The following ZFHX3 variants were observed in gnomAD, a reference collection of about 807,000 sequenced individuals.
ZFHX3 encodes zinc finger homeobox protein 3.
Under a neutral mutation model 279.1 loss-of-function variants are expected in ZFHX3, and 42 were observed. That is an observed-to-expected ratio of 0.15 (90% confidence interval 0.12 to 0.19). The LOEUF (loss-of-function observed/expected upper bound fraction) is 0.19. Ranked by LOEUF, ZFHX3 falls within the 10% of genes least tolerant of loss-of-function variation. ZFHX3 has a pLI of 1.00. For missense variants in ZFHX3, 4,981 were observed against 4,754.0 expected (o/e 1.05, Z -1.40); for synonymous variants, 2,293 against 1,957.8 (o/e 1.17, Z -4.52).
intron 2 of ZFHX3, among the ~76,000 whole-genome samples, chr16:72,956,986 GTC>G (rs767809178): frequency 2.0e-5 from 3 of 152,150 alleles, no homozygotes; most frequent in South Asian, 2.1e-4. Flanking sequence ...TAAGATGATT[GTC>G]TCTACTTAAA....
intron 2 of ZFHX3, among the ~76,000 whole-genome samples, chr16:73,465,697 G>T (rs551277026): frequency 1.3e-5 from 2 of 152,140 alleles, no homozygotes; most frequent in Non-Finnish European, 2.9e-5. Context: ...CTTTGCTTAC[G>T]TCTTCCCCCT....
chr16:73,138,032 T>C (rs980945206), intron 6 of ZFHX3, among the ~76,000 whole-genome samples: 58 of 152,160 alleles, frequency 3.8e-4, no homozygotes, highest in African/African-American at 1.3e-3. Context: ...CTGAAGTCCA[T>C]GGGCACAATC....
At chr16:73,080,801 G>A (rs150571529) in intron 8 of ZFHX3, among the ~76,000 whole-genome samples, 15 of 152,082 alleles carry the variant, frequency 9.9e-5, no homozygotes, top group African/African-American at 2.7e-4. Flanking sequence ...CTCTGGTCTC[G>A]AACTCCTGGC....
chr16:73,501,538 A>G lies in ZFHX3; in HGVS notation c.-1546-45280T>C, dbSNP rs117407617. 7.0e-4 allele frequency among the ~76,000 whole-genome samples: 107 copies of G among 152,294 alleles called. No homozygotes were observed. The East Asian group carries it at 0.018, about 25-fold the overall frequency. On this transcript the variant is annotated intron_variant, in intron 2 of 17. Coordinates refer to the ZFHX3 transcript ENST00000641206. The stretch of plus-strand genomic sequence containing the variant: ...CCTTATGATTTATGGGTCACCGTCA[A>G]TAATCAAAGCCATTGCTGGATTGAA...
chr16:73,195,529 C>G (rs2144893116), intron 5 of ZFHX3, among the ~76,000 whole-genome samples: 1 of 149,026 alleles, frequency 6.7e-6, no homozygotes, highest in Admixed American at 6.9e-5. Flanking sequence ...AGTGATTCTT[C>G]TGCCTCAGCC....
chr16:72,870,940 T>C (rs1196961505), intron 4 of ZFHX3, among the ~76,000 whole-genome samples: 1 of 152,156 alleles, frequency 6.6e-6, no homozygotes, highest in East Asian at 1.9e-4. Context: ...CTTATTTTGA[T>C]GTCAAGGGGC....
At chr16:73,472,602 C>A (rs1862772) in intron 2 of ZFHX3, among the ~76,000 whole-genome samples, 2 of 152,080 alleles carry the variant, frequency 1.3e-5, no homozygotes, top group Non-Finnish European at 2.9e-5. Context: ...TTCATTTTCC[C>A]TCCTTCTCCG....
At chr16:73,392,295 C>T (rs2017028926) in intron 3 of ZFHX3, among the ~76,000 whole-genome samples, 1 of 151,446 alleles carries the variant, frequency 6.6e-6, no homozygotes, top group South Asian at 2.1e-4. Context: ...GTGGGGTGTG[C>T]CTATAGCCCC....
intron 4 of ZFHX3, among the ~76,000 whole-genome samples, chr16:72,882,980 GTGT>G (rs2038524652): frequency 0.022 from 781 of 35,476 alleles, 32 homozygotes; most frequent in African/African-American, 0.032. Context: ...ACTCTGGGGT[GTGT>G]GTGTGTGTGT....
rs144780290 is a variant in ZFHX3, at chr16:73,280,546, G to T, written c.-1193-23410C>A. On this transcript the variant is annotated intron_variant, in intron 4 of 17. Transcript: ENST00000641206. The stretch of plus-strand genomic sequence containing the variant: ...ATCATCAGGGAAATGCAAATCAAAA[G>T]CACAATGAGATGTCATCTCATGCTA... Among the ~76,000 whole-genome samples the T allele has an allele frequency of 2.0e-3, 306 of 152,058 alleles. 1 individual carries two copies. Among genetic ancestry groups the T allele is most frequent in the African/African-American group, 7.2e-3 (298 of 41,478 alleles).
rs748909927 is a variant in ZFHX3, at chr16:72,958,420, C to A, written c.1726G>T (p.Gly576Cys). The change falls in exon 2 of 10, where the codon GGC (glycine) becomes TGC (cysteine). Residue 576 changes from glycine to cysteine, a missense_variant. Gly to Cys is a radical substitution (Grantham distance 159). Transcript: ENST00000268489. ...RRNRLSFNSE[G>C]VRANVAEGGR... ...CCCTCTGCCACATTGGCCCTGACGCCCTCACTGTTAAAGCTTAAACGATTC... is the reference window on the plus strand; with the variant it reads ...CCCTCTGCCACATTGGCCCTGACGCACTCACTGTTAAAGCTTAAACGATTC... The A allele has an allele frequency of 2.3e-5, 37 of 1,614,082 alleles. No homozygotes were observed. The highest frequency in any genetic ancestry group is 1.6e-4 in the Middle Eastern group (1 of 6,084).
chr16:72,858,468 A>G (rs993221509), intron 4 of ZFHX3, among the ~76,000 whole-genome samples: 2 of 152,218 alleles, frequency 1.3e-5, no homozygotes, highest in South Asian at 2.1e-4. Flanking sequence ...GGTGAAAATA[A>G]AGAGAGAGTC....
intron 1 of ZFHX3, among the ~76,000 whole-genome samples, chr16:73,039,642 T>G (rs1965040770): frequency 6.6e-6 from 1 of 152,134 alleles, no homozygotes; most frequent in Non-Finnish European, 1.5e-5. Flanking sequence ...ACATCAACAG[T>G]GCCAACACAC....
At chr16:73,402,458 G>A (rs905655856) in intron 3 of ZFHX3, 2 of 152,154 alleles carry the variant, frequency 1.3e-5, no homozygotes, top group African/African-American at 4.8e-5. Context: ...ATAAAATGTC[G>A]CTTGAATGTT....
chr16:73,800,972 C>T lies in ZFHX3; in HGVS notation c.-1608+90679G>A, dbSNP rs375462107. Reference sequence around the variant, plus strand: ...ACTTGCCTGCCCTGGTAGTTATAAACGTGAGGCTCCTCCCTTTAGAGTGCA... The same window carrying T: ...ACTTGCCTGCCCTGGTAGTTATAAATGTGAGGCTCCTCCCTTTAGAGTGCA... On this transcript the variant is annotated intron_variant, in intron 1 of 17. Coordinates refer to the ZFHX3 transcript ENST00000641206. 2.3e-4 allele frequency among the ~76,000 whole-genome samples: 35 copies of T among 152,266 alleles called. No individual in the cohort carries two copies. In the East Asian group the frequency reaches 3.3e-3, roughly 14 times the overall value.
rs1597114731 is a variant in ZFHX3 at position 73,785,490 on chromosome 16, C to T, written c.-1607-105250G>A. Among the ~76,000 whole-genome samples, 7 of 152,270 alleles carry T rather than the reference C, an allele frequency of 4.6e-5. No homozygotes were observed. In the Middle Eastern group the frequency reaches 0.024, roughly 518 times the overall value. On this transcript the variant is annotated intron_variant, in intron 1 of 17. Transcript: ENST00000641206. ...TTGGGTTTCTAAAAAGGCTTCTGCC[C>T]TGCAGTCACTCTGAGATGTCTCTTC...
intron 2 of ZFHX3, among the ~76,000 whole-genome samples, chr16:73,619,015 A>G (rs1251778888): frequency 6.6e-6 from 1 of 152,164 alleles, no homozygotes; most frequent in Admixed American, 6.5e-5. Context: ...TAAATCAGGA[A>G]CATCCTAGTT....
chr16:73,179,061 G>A (rs908653263), intron 5 of ZFHX3, among the ~76,000 whole-genome samples: 1 of 152,156 alleles, frequency 6.6e-6, no homozygotes. Context: ...TTTGGCAGCC[G>A]TAACTCATAC....
At chr16:73,097,188 G>T (rs1267971746) in intron 7 of ZFHX3, among the ~76,000 whole-genome samples, 3 of 151,694 alleles carry the variant, frequency 2.0e-5, no homozygotes, top group Non-Finnish European at 1.5e-5. Flanking sequence ...CAAGTAGCTG[G>T]GACTAGAGGT....
Sources: gnomAD v4.1 joint callset for allele counts (sites outside exome capture counted in the v4.1 genomes callset) on GRCh38, gnomAD v4.1.1 for gene constraint, MANE v1.5 for transcripts, NCBI Gene and HGNC (gene_info 2026-07-23, HGNC 2026-07-21) for gene names.